Variants in PDE10A observed in about 807,000 individuals in gnomAD.
The protein encoded by PDE10A is cAMP and cAMP-inhibited cGMP 3',5'-cyclic phosphodiesterase 10A.
PDE10A carries 39 observed loss-of-function variants against 97.7 expected under a neutral mutation model. That is an observed-to-expected ratio of 0.40 (90% CI 0.31 to 0.52). The LOEUF (loss-of-function observed/expected upper bound fraction) is 0.52, where lower values mean the gene tolerates loss of function less well. Ranked by LOEUF, PDE10A falls within the 20% of genes least tolerant of loss-of-function variation. PDE10A has a pLI of 0.56. For missense variants in PDE10A, 731 were observed against 1,047.8 expected (o/e 0.70, Z 4.17); for synonymous variants, 371 against 376.8 (o/e 0.98, Z 0.18).
intron 1 of PDE10A, among the ~76,000 whole-genome samples, chr6:165,746,184 A>G (rs115461640): frequency 0.015 from 2,244 of 152,328 alleles, 53 homozygotes; most frequent in African/African-American, 0.051. Flanking sequence ...TAAATGAGAA[A>G]ACATTTATGA....
At chr6:165,912,436 G>A (rs1295336834) in intron 1 of PDE10A, among the ~76,000 whole-genome samples, 1 of 152,200 alleles carries the variant, frequency 6.6e-6, no homozygotes, top group African/African-American at 2.4e-5. Context: ...TCAGCTGAGG[G>A]TGGACAAGGC....
At chr6:165,936,837 A>C (rs1231417139) in intron 1 of PDE10A, among the ~76,000 whole-genome samples, 3 of 152,216 alleles carry the variant, frequency 2.0e-5, no homozygotes, top group Admixed American at 6.5e-5. Context: ...AATAGTGTGA[A>C]TCATCGCCAC....
chr6:165,854,743 G>A (rs1372311699), intron 1 of PDE10A, among the ~76,000 whole-genome samples: 2 of 152,186 alleles, frequency 1.3e-5, no homozygotes, highest in Non-Finnish European at 2.9e-5. Flanking sequence ...GGAGGGACGC[G>A]GGGTCCGGGA....
chr6:165,618,501 GC>G (rs1173598223), intron 1 of PDE10A, among the ~76,000 whole-genome samples: 1 of 152,026 alleles, frequency 6.6e-6, no homozygotes, highest in Non-Finnish European at 1.5e-5. Context: ...GACATGGCCC[GC>G]CCACCTTCAG....
chr6:165,848,760 G>A (rs544927177), intron 1 of PDE10A, among the ~76,000 whole-genome samples: 14 of 152,152 alleles, frequency 9.2e-5, no homozygotes, highest in Admixed American at 2.0e-4. Context: ...AACAGTGGCC[G>A]GGGGAATCAA....
At chr6:165,814,417 C>T (rs979096391) in intron 1 of PDE10A, among the ~76,000 whole-genome samples, 7 of 150,682 alleles carry the variant, frequency 4.6e-5, no homozygotes, top group African/African-American at 1.2e-4. Context: ...ACCTCCAAAA[C>T]GATTCATACA....
At chr6:165,789,317 C>T (rs1201390063) in intron 1 of PDE10A, among the ~76,000 whole-genome samples, 1 of 152,220 alleles carries the variant, frequency 6.6e-6, no homozygotes, top group Admixed American at 6.5e-5. Flanking sequence ...TAGAACTTCA[C>T]AAGTCTTAAA....
At chr6:165,536,960 G>A (rs1783124855) in intron 2 of PDE10A, among the ~76,000 whole-genome samples, 2 of 151,876 alleles carry the variant, frequency 1.3e-5, no homozygotes, top group South Asian at 4.1e-4. Context: ...CTCAAAGAAA[G>A]GAAATCAGCA....
intron 4 of PDE10A, among the ~76,000 whole-genome samples, chr6:165,449,196 G>A (rs182310979): frequency 2.6e-5 from 4 of 152,250 alleles, no homozygotes; most frequent in East Asian, 1.9e-4. Flanking sequence ...AATTTAAGAC[G>A]ATATGCTCAA....
At chr6:165,552,759 T>C (rs548884688) in intron 1 of PDE10A, among the ~76,000 whole-genome samples, 57 of 152,324 alleles carry the variant, frequency 3.7e-4, no homozygotes, top group Non-Finnish European at 1.6e-4. Context: ...ACATGCCCAG[T>C]CCTGTGAGTA....
chr6:165,670,911 G>A (rs1164507181), intron 1 of PDE10A, among the ~76,000 whole-genome samples: 2 of 152,186 alleles, frequency 1.3e-5, no homozygotes, highest in Non-Finnish European at 2.9e-5. Context: ...GTCTCACAGT[G>A]TGCAGGAAGT....
intron 1 of PDE10A, among the ~76,000 whole-genome samples, chr6:165,832,645 A>G (rs971407073): frequency 2.6e-5 from 4 of 152,166 alleles, no homozygotes; most frequent in Non-Finnish European, 5.9e-5. Context: ...CCCACTCTTC[A>G]TCAAAGCCGT....
intron 2 of PDE10A, among the ~76,000 whole-genome samples, chr6:165,540,482 T>C (rs1466189204): frequency 1.3e-5 from 2 of 152,176 alleles, no homozygotes; most frequent in Non-Finnish European, 2.9e-5. Context: ...AACAAGCTAT[T>C]CTCCAATATC....
chr6:165,949,077 A>G (rs1430853600), intron 1 of PDE10A: 1 of 152,224 alleles, frequency 6.6e-6, no homozygotes, highest in Non-Finnish European at 1.5e-5. Context: ...TCTATTTTTC[A>G]AAAAGAAATA....
At position 165,388,468 on chromosome 6, in the gene PDE10A, A is replaced by G. The variant is rs753482508; in HGVS notation, c.2455-15T>C. 6.3e-5 allele frequency: 102 copies of G among 1,612,990 alleles called. No individual in the cohort carries two copies. Among genetic ancestry groups the G allele is most frequent in the Non-Finnish European group, 8.4e-5 (99 of 1,179,436 alleles). On this transcript the variant is annotated splice_polypyrimidine_tract_variant and intron_variant, in intron 16 of 21. Transcript: ENST00000539869. The surrounding 1 kb of genome is among the most constrained non-coding windows in gnomAD (Gnocchi z 4.0). ...AGTCCTTTGCGCTTTAAAAAATAATATGATGCAGAGATGCTCAAAACACAG... is the reference window on the plus strand; with the variant it reads ...AGTCCTTTGCGCTTTAAAAAATAATGTGATGCAGAGATGCTCAAAACACAG...
At chr6:165,955,917 T>C (rs1313701882) in intron 1 of PDE10A, among the ~76,000 whole-genome samples, 1 of 152,228 alleles carries the variant, frequency 6.6e-6, no homozygotes, top group East Asian at 1.9e-4. Flanking sequence ...CCTAAAGCTA[T>C]ACAGAAGAAG....
intron 3 of PDE10A, among the ~76,000 whole-genome samples, chr6:165,462,308 T>G (rs897947904): frequency 3.1e-4 from 47 of 152,222 alleles, no homozygotes; most frequent in Non-Finnish European, 6.0e-4. Context: ...CATTATTAAC[T>G]TTAAATTTTT....
intron 1 of PDE10A, among the ~76,000 whole-genome samples, chr6:165,695,632 C>T (rs548114048): frequency 1.3e-5 from 2 of 152,234 alleles, no homozygotes; most frequent in South Asian, 2.1e-4. Flanking sequence ...CCTGTATCTT[C>T]GCAGAGGAAC....
rs530098110 is a variant in PDE10A at position 165,603,539 on chromosome 6, G to A, written c.865+58408C>T. On this transcript the variant is annotated intron_variant, in intron 1 of 21. Coordinates refer to ENST00000539869, the MANE Select transcript of PDE10A (RefSeq NM_001385079.1). Reference sequence around the variant, plus strand: ...GAGGGAAGTCTTCCCGAAAGCATTCGGTTCTTAAGATACACTGTTATTTCC... The same window carrying A: ...GAGGGAAGTCTTCCCGAAAGCATTCAGTTCTTAAGATACACTGTTATTTCC... Among the ~76,000 whole-genome samples the A allele has an allele frequency of 4.0e-4, 61 of 152,324 alleles. 2 individuals carry two copies. The highest frequency in any genetic ancestry group is 6.8e-3 in the Middle Eastern group (2 of 294).
Sources: gnomAD v4.1 joint callset for allele counts (sites outside exome capture counted in the v4.1 genomes callset) on GRCh38, gnomAD v4.1.1 for gene constraint, Gnocchi (gnomAD v3.1) non-coding constraint, MANE v1.5 for transcripts, NCBI Gene and HGNC (gene_info 2026-07-23, HGNC 2026-07-21) for gene names.